Variants in EXOC5 observed in about 807,000 individuals in gnomAD.
EXOC5 encodes exocyst complex component 5, also known as SEC10-like 1.
A neutral mutation model predicts 90.8 loss-of-function variants in EXOC5; 17 were observed. The observed-to-expected ratio is 0.19, with a 90% CI of 0.13 to 0.28. The LOEUF (loss-of-function observed/expected upper bound fraction) is 0.28, where lower values mean the gene tolerates loss of function less well. Among genes scored for constraint, EXOC5 ranks in the 10% least tolerant of loss-of-function variants. The probability of loss-of-function intolerance (pLI) is 1.00; values close to 1 mark genes in which losing one functional copy is unlikely to be tolerated. For missense variants in EXOC5, 569 were observed against 830.6 expected (o/e 0.69, Z 3.87); for synonymous variants, 260 against 270.0 (o/e 0.96, Z 0.36).
rs1278353737 is a variant in EXOC5 at position 57,226,474 on chromosome 14, A to C, written c.1296+3260T>G. ...TCTCCCCAAATAGAACTACAGAGTC[A>C]ATGTAATTCCAATCAAAATCTCAGA... On this transcript the variant is annotated intron_variant, in intron 12 of 17. Coordinates refer to ENST00000621441, the MANE Select transcript of EXOC5 (RefSeq NM_006544.4). Among the ~76,000 whole-genome samples the C allele has an allele frequency of 2.0e-5, 3 of 152,240 alleles. No individual in the cohort carries two copies. In the East Asian group the frequency reaches 5.8e-4, roughly 29 times the overall value.
intron 1 of EXOC5, 43 bp from the exon 2 acceptor site, chr14:57,247,755 AG>A (rs1383946643): frequency 1.0e-6 from 1 of 967,394 alleles, no homozygotes; most frequent in Non-Finnish European, 1.5e-6. Flanking sequence ...TTCATATACA[AG>A]TACTTAATAT....
Position 57,233,857 on chromosome 14 carries a change from A to C in EXOC5, c.741T>G (p.Phe247Leu). 1 of 1,610,956 alleles carries C rather than the reference A, an allele frequency of 6.2e-7. No homozygotes were observed. Among genetic ancestry groups the C allele is most frequent in the South Asian group, 1.1e-5 (1 of 90,900 alleles). Residue 247 changes from phenylalanine (F) to leucine (L), a missense_variant, in exon 9 of 18, where the codon TTT (phenylalanine) becomes TTG (leucine). Physicochemically the swap from Phe to Leu is conservative, Grantham distance 22. Around this residue, in one of 9 missense-constraint regions of EXOC5, gnomAD observed 114 missense variants for 111.2 expected, o/e 1.03. Transcript: ENST00000621441. The stretch of plus-strand genomic sequence containing the variant: ...TTTGACAGAGTATTCCAGCGTCTTC[A>C]AATATATCATTTCTCAAATAAGCAC... Reference protein sequence around the residue: ...QEGAYLRNDIFEDAGILCQRV... With the variant: ...QEGAYLRNDILEDAGILCQRV...
At chr14:57,242,331 A>G (rs1224805242) in intron 4 of EXOC5, among the ~76,000 whole-genome samples, 4 of 151,584 alleles carry the variant, frequency 2.6e-5, no homozygotes, top group African/African-American at 9.7e-5. Context: ...TGCAGCCTCA[A>G]CCTCTGGGGC....
At chr14:57,214,218 G>C (rs555638582) in intron 15 of EXOC5, among the ~76,000 whole-genome samples, 1 of 152,186 alleles carries the variant, frequency 6.6e-6, no homozygotes, top group South Asian at 2.1e-4. Flanking sequence ...CTTGTTGTAG[G>C]GGGGGATTTG....
At chr14:57,226,643 G>A (rs989973834) in intron 12 of EXOC5, among the ~76,000 whole-genome samples, 2 of 152,162 alleles carry the variant, frequency 1.3e-5, no homozygotes, top group African/African-American at 4.8e-5. Context: ...CAGGCATAAA[G>A]ACAGACCAAT....
intron 1 of EXOC5, among the ~76,000 whole-genome samples, chr14:57,249,495 A>G (rs969961596): frequency 6.6e-6 from 1 of 152,204 alleles, no homozygotes; most frequent in Non-Finnish European, 1.5e-5. Flanking sequence ...ACAAAAAATT[A>G]AGGATTTTTT....
At chr14:57,222,262 G>C in intron 13 of EXOC5, 46 bp downstream of exon 13, 1 of 930,056 alleles carries the variant, frequency 1.1e-6, no homozygotes, top group South Asian at 1.7e-5. Flanking sequence ...GTTTAACCAA[G>C]CAGAATCAAA....
At chr14:57,235,117 A>G (rs1594665466) in intron 7 of EXOC5, among the ~76,000 whole-genome samples, 1 of 152,162 alleles carries the variant, frequency 6.6e-6, no homozygotes, top group African/African-American at 2.4e-5. Flanking sequence ...ACCAAAATGA[A>G]AAGTCCAACA....
At chr14:57,238,766 A>G (rs1260421715) in intron 5 of EXOC5, among the ~76,000 whole-genome samples, 1 of 152,084 alleles carries the variant, frequency 6.6e-6, no homozygotes, top group Non-Finnish European at 1.5e-5. Flanking sequence ...ATAATGGTTA[A>G]GCTAAGTATA....
intron 11 of EXOC5, 85 bp downstream of exon 11, chr14:57,231,421 T>C (rs966906941): frequency 7.3e-6 from 6 of 818,554 alleles, no homozygotes; most frequent in Non-Finnish European, 1.2e-5. Flanking sequence ...ATTCTAATGA[T>C]AGTCAACATT....
At chr14:57,268,361 A>T in intron 1 of EXOC5, 2 of 965,262 alleles carry the variant, frequency 2.1e-6, no homozygotes, top group South Asian at 3.5e-5. Flanking sequence ...CCCCACAAAC[A>T]AAAGCAACCC....
chr14:57,227,747 G>A (rs1052856221), intron 12 of EXOC5, among the ~76,000 whole-genome samples: 1 of 151,980 alleles, frequency 6.6e-6, no homozygotes, highest in Non-Finnish European at 1.5e-5. Flanking sequence ...TCTTTGACTT[G>A]TTTTCTATTG....
chr14:57,209,515 G>T, intron 17 of EXOC5, 52 bp downstream of exon 17: 2 of 968,570 alleles, frequency 2.1e-6, no homozygotes, highest in South Asian at 3.1e-5. Context: ...TTAATAATCT[G>T]ACTTATGCTC....
At position 57,237,361 on chromosome 14, in the gene EXOC5, G is replaced by A. The variant is rs2139643383; in HGVS notation, c.536C>T (p.Ser179Leu). ...IAQELPFDRF[S>L]EVKSKIASKY... Reference sequence around the variant, plus strand: ...ACTTGCAATTTTGGATTTAACTTCTGAAAATCTGAAAGACAAAAACCAACC... The same window carrying A: ...ACTTGCAATTTTGGATTTAACTTCTAAAAATCTGAAAGACAAAAACCAACC... The change falls in exon 6 of 18, where the codon TCA becomes TTA. Residue 179 changes from serine to leucine, a missense_variant. Around this residue, in one of 9 missense-constraint regions of EXOC5, gnomAD observed 97 missense variants for 177.9 expected, o/e 0.55. Transcript: ENST00000621441. 1 of 1,520,052 alleles carries A rather than the reference G, an allele frequency of 6.6e-7. No individual in the cohort carries two copies. The highest frequency in any genetic ancestry group is 8.9e-7 in the Non-Finnish European group (1 of 1,119,548). The allele number at this position is 1,520,052 out of a possible 1,614,324, so 94.2% of individuals were successfully genotyped here. A position where few individuals can be genotyped will look rare whatever the true frequency, so the allele number is the denominator to read the frequency against.
intron 4 of EXOC5, among the ~76,000 whole-genome samples, chr14:57,240,212 CTT>C (rs57715659): frequency 0.011 from 1,539 of 137,744 alleles, 25 homozygotes; most frequent in African/African-American, 0.039. Flanking sequence ...TTCTTTCTGT[CTT>C]TTTTTTTTTT....
chr14:57,214,934 T>G (rs550926402), intron 15 of EXOC5, among the ~76,000 whole-genome samples: 1 of 152,048 alleles, frequency 6.6e-6, no homozygotes, highest in African/African-American at 2.4e-5. Flanking sequence ...CTACCCAACA[T>G]GAAGAGAAGA....
rs1319312201 is a variant in EXOC5, at chr14:57,229,850, GCTGT to G, written c.1176_1179del (p.Arg392SerfsTer115). 2 of 1,506,312 alleles carry G rather than the reference GCTGT, an allele frequency of 1.3e-6. No homozygotes were observed. The highest frequency in any genetic ancestry group is 1.8e-6 in the Non-Finnish European group (2 of 1,115,394). The allele number at this position is 1,506,312 out of a possible 1,614,324, so 93.3% of individuals were successfully genotyped here. ...CTTGGCCCAAGTGGTAAGTTGGTACGCTGTCTAATTCTTTCCTTCAAATCTTGAA... is the reference window on the plus strand; with the variant it reads ...CTTGGCCCAAGTGGTAAGTTGGTACGCTAATTCTTTCCTTCAAATCTTGAA... On this transcript the variant is annotated frameshift_variant, in exon 12 of 18. Transcript: ENST00000621441. LOFTEE classifies it high-confidence loss of function.
intron 9 of EXOC5, chr14:57,233,303 G>A (rs1318301854): frequency 1.3e-5 from 2 of 153,698 alleles, no homozygotes; most frequent in African/African-American, 4.8e-5. Context: ...CTTAGGAAAT[G>A]TTATCTGAAA....
intron 1 of EXOC5, among the ~76,000 whole-genome samples, chr14:57,249,746 G>A (rs1884133997): frequency 1.3e-5 from 2 of 151,968 alleles, no homozygotes; most frequent in African/African-American, 4.8e-5. Flanking sequence ...ATGGATAAGA[G>A]TGGGATGATG....
Sources: gnomAD v4.1 joint callset for allele counts (sites outside exome capture counted in the v4.1 genomes callset) on GRCh38, gnomAD v4.1.1 for gene constraint, gnomAD v4.1.1 regional missense constraint, MANE v1.5 for transcripts, NCBI Gene and HGNC (gene_info 2026-07-23, HGNC 2026-07-21) for gene names.